MALRD1: variants seen among roughly 807,000 people sequenced by gnomAD.
MALRD1 encodes MAM and LDL-receptor class A domain-containing protein 1.
In MALRD1, 247 loss-of-function variants were observed where a neutral mutation model predicts 242.1. That is an observed-to-expected ratio of 1.02 (90% CI 0.92 to 1.13). MALRD1 has a LOEUF of 1.13. Ranked by LOEUF, MALRD1 falls within the 50% of genes most tolerant of loss-of-function variation. MALRD1 has a pLI of 0.00. For missense variants in MALRD1, 2,989 were observed against 2,533.1 expected, an observed-to-expected ratio of 1.18 and a Z score of -3.86; for synonymous variants, 995 against 866.6, an observed-to-expected ratio of 1.15 and a Z score of -2.60.
chr10:19,727,497 C>T (rs1835086601), intron 38 of MALRD1, among the ~76,000 whole-genome samples: 1 of 152,098 alleles, frequency 6.6e-6, no homozygotes, highest in South Asian at 2.1e-4. Flanking sequence ...CAGAATGCCA[C>T]TTCGCACAGT....
rs34141625 is a variant in MALRD1 at position 19,125,322 on chromosome 10, C to CT, written c.943+654dup. ...CCTTCCTTCCTTCCTTCCTTCCTTCCTTCTTTCTTTCTTTCTTTCTTTCTT... is the reference window on the plus strand; with the variant it reads ...CCTTCCTTCCTTCCTTCCTTCCTTCCTTTCTTTCTTTCTTTCTTTCTTTCTT... On this transcript the variant is annotated intron_variant, in intron 7 of 39. Transcript: ENST00000454679. Among the ~76,000 whole-genome samples, 607 of 63,422 alleles carry CT rather than the reference C, an allele frequency of 9.6e-3. 12 individuals carry two copies. Among genetic ancestry groups the CT allele is most frequent in the Middle Eastern group, 0.023 (3 of 130 alleles). 41.6% of individuals were successfully genotyped at this position (63,422 alleles called of 152,430 possible).
chr10:19,084,270 A>G (rs1327678858), intron 2 of MALRD1, among the ~76,000 whole-genome samples: 3 of 151,984 alleles, frequency 2.0e-5, no homozygotes, highest in Non-Finnish European at 4.4e-5. Flanking sequence ...AGAGGTTTGT[A>G]TCTAAGACTA....
intron 26 of MALRD1, among the ~76,000 whole-genome samples, chr10:19,384,560 A>C (rs1485039229): frequency 8.2e-6 from 1 of 122,608 alleles, no homozygotes; most frequent in Non-Finnish European, 1.6e-5. Flanking sequence ...TATATATTAT[A>C]TAGTGTATAT....
At chr10:19,640,042 CT>C (rs1840313133) in intron 36 of MALRD1, among the ~76,000 whole-genome samples, 2 of 152,268 alleles carry the variant, frequency 1.3e-5, no homozygotes, top group South Asian at 4.1e-4. Context: ...TCCCCATTGA[CT>C]GTGAGGCCCA....
intron 14 of MALRD1, among the ~76,000 whole-genome samples, chr10:19,183,592 C>CT (rs1835615844): frequency 6.6e-6 from 1 of 152,034 alleles, no homozygotes; most frequent in African/African-American, 2.4e-5. Context: ...AATTTACTTT[C>CT]TTTTTTACAT....
At chr10:19,598,498 C>T (rs1288682613) in intron 34 of MALRD1, 2 of 151,118 alleles carry the variant, frequency 1.3e-5, no homozygotes, top group African/African-American at 4.9e-5. Flanking sequence ...GAAGGACTTC[C>T]AAGTTTCTAA....
At chr10:19,220,360 A>T (rs1446553025) in intron 18 of MALRD1, among the ~76,000 whole-genome samples, 1 of 152,204 alleles carries the variant, frequency 6.6e-6, no homozygotes, top group Non-Finnish European at 1.5e-5. Context: ...GAGAATGCAC[A>T]CTTTATTGCA....
chr10:19,133,649 G>A (rs946865526), intron 8 of MALRD1, among the ~76,000 whole-genome samples: 2 of 152,064 alleles, frequency 1.3e-5, no homozygotes, highest in African/African-American at 4.8e-5. Flanking sequence ...TCTGCAAAAA[G>A]CAGCTTTACT....
intron 36 of MALRD1, among the ~76,000 whole-genome samples, chr10:19,668,054 C>T (rs571467143): frequency 1.2e-3 from 178 of 152,194 alleles, no homozygotes; most frequent in African/African-American, 4.2e-3. Context: ...ATGAGGGCTC[C>T]ACCCTCATGC....
intron 28 of MALRD1, among the ~76,000 whole-genome samples, chr10:19,419,822 G>A (rs945184903): frequency 5.3e-5 from 8 of 151,794 alleles, no homozygotes; most frequent in East Asian, 1.9e-4. Context: ...TTTCTTATTC[G>A]TAAAGCTTAG....
chr10:19,078,775 C>G (rs903561471), intron 2 of MALRD1, among the ~76,000 whole-genome samples: 1 of 151,772 alleles, frequency 6.6e-6, no homozygotes, highest in Admixed American at 6.6e-5. Flanking sequence ...TTGTCCATCT[C>G]TTCTAGGTTA....
chr10:19,156,275 C>G lies in MALRD1; in HGVS notation c.1656+1103C>G, dbSNP rs1037572908. ...TCCATAGATACTTTCTTTTAAAGTC[C>G]TAAAGATACTTTCTTTTCCTTTCTT... is the stretch of plus-strand genomic sequence containing the variant. On this transcript the variant is annotated intron_variant, in intron 12 of 39. Coordinates refer to ENST00000454679, the MANE Select transcript of MALRD1 (RefSeq NM_001142308.3). Among the ~76,000 whole-genome samples, 13 of 151,740 alleles carry G rather than the reference C, an allele frequency of 8.6e-5. 1 individual carries two copies. Among genetic ancestry groups the G allele is most frequent in the Non-Finnish European group, 4.4e-5 (3 of 67,944 alleles).
chr10:19,182,565 C>G (rs1319951636), intron 14 of MALRD1, among the ~76,000 whole-genome samples: 2 of 151,826 alleles, frequency 1.3e-5, no homozygotes, highest in Non-Finnish European at 2.9e-5. Flanking sequence ...CTCCTGACCT[C>G]GTAATCCGTC....
chr10:19,258,524 A>G (rs906399045), intron 19 of MALRD1, among the ~76,000 whole-genome samples: 12 of 152,244 alleles, frequency 7.9e-5, no homozygotes, highest in African/African-American at 2.2e-4. Flanking sequence ...GCCCAACAAC[A>G]TTCTCAATTG....
intron 33 of MALRD1, among the ~76,000 whole-genome samples, chr10:19,581,934 C>G (rs1454611962): frequency 6.6e-6 from 1 of 152,168 alleles, no homozygotes; most frequent in African/African-American, 2.4e-5. Flanking sequence ...GAAATGGTAT[C>G]TCATTGTGGT....
intron 32 of MALRD1, among the ~76,000 whole-genome samples, chr10:19,548,775 T>TG (rs1835358811): frequency 6.6e-6 from 1 of 152,118 alleles, no homozygotes; most frequent in African/African-American, 2.4e-5. Context: ...CACATCCAAA[T>TG]TAGGCCAACC....
chr10:19,724,124 A>T (rs1167689000), intron 38 of MALRD1, among the ~76,000 whole-genome samples: 1 of 152,110 alleles, frequency 6.6e-6, no homozygotes, highest in African/African-American at 2.4e-5. Flanking sequence ...TCTAAACCTA[A>T]TTTTAAATAT....
intron 9 of MALRD1, among the ~76,000 whole-genome samples, chr10:19,135,476 A>G (rs1833304560): frequency 6.6e-6 from 1 of 152,164 alleles, no homozygotes. Flanking sequence ...TTTGAAAAGA[A>G]AATCTATTCA....
chr10:19,277,794 C>A (rs1840604059), intron 19 of MALRD1, among the ~76,000 whole-genome samples: 1 of 152,112 alleles, frequency 6.6e-6, no homozygotes, highest in Admixed American at 6.5e-5. Flanking sequence ...TTGGACTTTC[C>A]CCAGATTCCC....
Sources: gnomAD v4.1 joint callset for allele counts (sites outside exome capture counted in the v4.1 genomes callset) on GRCh38, gnomAD v4.1.1 for gene constraint, MANE v1.5 for transcripts, NCBI Gene and HGNC (gene_info 2026-07-23, HGNC 2026-07-21) for gene names.